The following LCP2 variants were observed in gnomAD, a reference collection of about 807,000 sequenced individuals.
LCP2 encodes 76 kDa tyrosine phosphoprotein.
Under a neutral mutation model 74.5 loss-of-function variants are expected in LCP2, and 29 were observed. That is an observed-to-expected ratio of 0.39 (90% CI 0.29 to 0.53). The LOEUF (loss-of-function observed/expected upper bound fraction) is 0.53. Among genes scored for constraint, LCP2 ranks in the 20% least tolerant of loss-of-function variants. LCP2 has a pLI of 0.72. For synonymous variants in LCP2, 228 were observed against 229.5 expected (o/e 0.99, Z 0.06); for missense variants, 604 against 634.6 (o/e 0.95, Z 0.52).
intron 17 of LCP2, among the ~76,000 whole-genome samples, chr5:170,255,310 A>G (rs921192307): frequency 1.3e-5 from 2 of 152,206 alleles, no homozygotes; most frequent in Non-Finnish European, 1.5e-5. Context: ...GATGCATCCA[A>G]CTGAATACCC....
intron 10 of LCP2, 50 bp from the exon 11 acceptor site, chr5:170,263,042 A>C (rs1285122964): frequency 1.2e-6 from 2 of 1,601,450 alleles, no homozygotes; most frequent in Non-Finnish European, 8.5e-7. Context: ...CTTCATAAGC[A>C]TGAGGTTTAA....
intron 15 of LCP2, 141 bp from the exon 16 acceptor site, chr5:170,258,307 A>G (rs1761595860): frequency 2.5e-6 from 2 of 813,424 alleles, no homozygotes; most frequent in Admixed American, 5.2e-5. Flanking sequence ...ATTAGGAAGT[A>G]GTAGGATGGA....
intron 3 of LCP2, among the ~76,000 whole-genome samples, chr5:170,279,406 G>T (rs1346968503): frequency 1.3e-5 from 2 of 152,162 alleles, no homozygotes; most frequent in East Asian, 3.8e-4. Flanking sequence ...TGGCCCCAAG[G>T]GTGGCGCCCA....
chr5:170,275,379 T>C, intron 4 of LCP2, 28 bp from the exon 5 acceptor site: 2 of 1,613,690 alleles, frequency 1.2e-6, no homozygotes, highest in Middle Eastern at 1.7e-4. Flanking sequence ...ACTGCATTAA[T>C]GGTCTTCTCG....
chr5:170,267,319 T>C (rs1488992367), intron 8 of LCP2: 1 of 580,552 alleles, frequency 1.7e-6, no homozygotes, highest in Non-Finnish European at 3.1e-6. Context: ...CTAAGCCTCC[T>C]ATCACATTAG....
chr5:170,257,922 C>T, intron 16 of LCP2, 115 bp downstream of exon 16: 1 of 1,176,586 alleles, frequency 8.5e-7, no homozygotes. Context: ...CCAAAATGTT[C>T]AGACCCTACT....
At chr5:170,279,179 T>C (rs1762061603) in intron 3 of LCP2, among the ~76,000 whole-genome samples, 2 of 152,134 alleles carry the variant, frequency 1.3e-5, no homozygotes, top group Non-Finnish European at 2.9e-5. Context: ...TGCCTTTGTT[T>C]AAGGGACTAG....
intron 3 of LCP2, among the ~76,000 whole-genome samples, chr5:170,283,786 G>A (rs1400467737): frequency 6.6e-6 from 1 of 152,134 alleles, no homozygotes; most frequent in African/African-American, 2.4e-5. Context: ...CAGGCACACT[G>A]GGTGGTGCCT....
chr5:170,265,657 T>C (rs1009392221), intron 10 of LCP2, among the ~76,000 whole-genome samples: 7 of 152,148 alleles, frequency 4.6e-5, no homozygotes, highest in African/African-American at 1.7e-4. Context: ...CAGCACAGCT[T>C]TGCATGACAC....
chr5:170,272,367 T>C (rs1761909139), intron 6 of LCP2, among the ~76,000 whole-genome samples: 1 of 152,208 alleles, frequency 6.6e-6, no homozygotes, highest in African/African-American at 2.4e-5. Flanking sequence ...GAAGAATCCC[T>C]GAGCAGACAA....
At chr5:170,266,626 C>A (rs577664980) in intron 10 of LCP2, among the ~76,000 whole-genome samples, 182 bp downstream of exon 10, 1 of 152,294 alleles carries the variant, frequency 6.6e-6, no homozygotes, top group South Asian at 2.1e-4. Flanking sequence ...GCTGTGTGAT[C>A]TTGGGAAGGT....
At chr5:170,277,739 G>A (rs1347724940) in intron 3 of LCP2, among the ~76,000 whole-genome samples, 59 of 76,974 alleles carry the variant, frequency 7.7e-4, no homozygotes, top group African/African-American at 3.9e-3. Flanking sequence ...GCAAAACTTC[G>A]TCTCAAAAAA....
At chr5:170,262,803 A>G (rs1352883556) in intron 12 of LCP2, 39 bp downstream of exon 12, 1 of 1,613,944 alleles carries the variant, frequency 6.2e-7, no homozygotes, top group Non-Finnish European at 8.5e-7. Flanking sequence ...AGTTCTACAG[A>G]ACGTCCCATG....
At chr5:170,251,527 A>C (rs755073438) in intron 19 of LCP2, 61 of 372,986 alleles carry the variant, frequency 1.6e-4, no homozygotes, top group Non-Finnish European at 3.2e-4. Context: ...TCTAATATTA[A>C]AATAGAATTA....
chr5:170,284,711 TA>T (rs1220088962), intron 3 of LCP2, among the ~76,000 whole-genome samples: 1 of 152,028 alleles, frequency 6.6e-6, no homozygotes, highest in Admixed American at 6.6e-5. Flanking sequence ...GGACTTTAGA[TA>T]TATATTTGGT....
intron 15 of LCP2, 155 bp from the exon 16 acceptor site, chr5:170,258,321 T>C (rs1441390266): frequency 1.3e-5 from 9 of 712,928 alleles, no homozygotes; most frequent in African/African-American, 1.8e-5. Flanking sequence ...GGATGGAACC[T>C]TGCTCCCAGG....
intron 13 of LCP2, among the ~76,000 whole-genome samples, 162 bp downstream of exon 13, chr5:170,262,473 T>G (rs944713893): frequency 6.6e-6 from 1 of 152,228 alleles, no homozygotes; most frequent in East Asian, 1.9e-4. Flanking sequence ...TGATCCTTCA[T>G]AGCCAACCTG....
chr5:170,296,771 G>A (rs567502008), intron 1 of LCP2, among the ~76,000 whole-genome samples: 9 of 152,294 alleles, frequency 5.9e-5, no homozygotes, highest in African/African-American at 2.2e-4. Context: ...AGATAAGACA[G>A]CAACGCTCTG....
At chr5:170,270,689 G>T (rs765096418) in intron 7 of LCP2, 30 bp downstream of exon 7, 2 of 1,531,712 alleles carry the variant, frequency 1.3e-6, no homozygotes, top group African/African-American at 1.4e-5. Flanking sequence ...TGGGCTGCTC[G>T]GGCCAGAAAA....
Sources: gnomAD v4.1 joint callset for allele counts (sites outside exome capture counted in the v4.1 genomes callset) on GRCh38, gnomAD v4.1.1 for gene constraint, MANE v1.5 for transcripts, NCBI Gene and HGNC (gene_info 2026-07-23, HGNC 2026-07-21) for gene names.